The following FREM2 variants were observed in gnomAD, a reference collection of about 807,000 sequenced individuals.
FREM2 encodes the protein FRAS1 related extracellular matrix 2, also known as FRAS1-related extracellular matrix protein 2.
In FREM2, 119 loss-of-function variants were observed where a neutral mutation model predicts 219.9. The ratio of observed to expected loss-of-function variants is 0.54; its 90% CI spans 0.47 to 0.63. The LOEUF is 0.63. Ranked by LOEUF, FREM2 falls within the 30% of genes least tolerant of loss-of-function variation. FREM2 has a pLI of 0.00. For synonymous variants in FREM2, 1,562 were observed against 1,522.8 expected, an observed-to-expected ratio of 1.03 and a Z score of -0.60; for missense variants, 4,030 against 3,993.6, an observed-to-expected ratio of 1.01 and a Z score of -0.25.
intron 2 of FREM2, among the ~76,000 whole-genome samples, chr13:38,719,827 C>T (rs1044241984): frequency 6.6e-6 from 1 of 152,132 alleles, no homozygotes; most frequent in South Asian, 2.1e-4. Context: ...GGTTTGTCTA[C>T]CTGTTGGTGA....
chr13:38,849,054 C>T (rs892515552), intron 8 of FREM2, among the ~76,000 whole-genome samples: 3 of 152,056 alleles, frequency 2.0e-5, no homozygotes, highest in Admixed American at 6.6e-5. Flanking sequence ...CCCTAAAGAC[C>T]TCATTGTAAT....
intron 2 of FREM2, among the ~76,000 whole-genome samples, chr13:38,730,997 T>C (rs1401206975): frequency 1.3e-5 from 2 of 152,108 alleles, no homozygotes; most frequent in African/African-American, 2.4e-5. Flanking sequence ...CTTATGGGTA[T>C]TATCTAAACT....
chr13:38,826,673 C>G lies in FREM2; in HGVS notation c.6020-19900C>G, dbSNP rs11841495. 1.2e-3 allele frequency among the ~76,000 whole-genome samples: 182 copies of G among 152,194 alleles called. 1 individual carries two copies. Among genetic ancestry groups the G allele is most frequent in the African/African-American group, 4.1e-3 (170 of 41,556 alleles). On this transcript the variant is annotated intron_variant, in intron 6 of 23. Coordinates refer to ENST00000280481, the MANE Select transcript of FREM2 (RefSeq NM_207361.6). Reference sequence around the variant, plus strand: ...GACCTCACACAGATTGTGTTTGACACCATATTAATCGTCATCTTTCTTCAT... The same window carrying G: ...GACCTCACACAGATTGTGTTTGACAGCATATTAATCGTCATCTTTCTTCAT...
chr13:38,827,417 A>T (rs1033889082), intron 6 of FREM2: 1 of 152,090 alleles, frequency 6.6e-6, no homozygotes, highest in African/African-American at 2.4e-5. Flanking sequence ...ATACCTGATG[A>T]GATTTACATC....
At chr13:38,735,073 T>C (rs960089054) in intron 2 of FREM2, among the ~76,000 whole-genome samples, 1 of 152,160 alleles carries the variant, frequency 6.6e-6, no homozygotes, top group Non-Finnish European at 1.5e-5. Flanking sequence ...GAAATCTCTT[T>C]AATGTTTGGC....
intron 2 of FREM2, among the ~76,000 whole-genome samples, chr13:38,754,956 G>A (rs1317242773): frequency 6.7e-6 from 1 of 150,182 alleles, no homozygotes; most frequent in African/African-American, 2.4e-5. Flanking sequence ...AGGCTGGAGT[G>A]CAGTGGTACG....
rs4054263 is a variant in FREM2 at position 38,754,904 on chromosome 13, T to G, written c.5264-9400T>G. On this transcript the variant is annotated intron_variant, in intron 2 of 23. Transcript: ENST00000280481. ...TGATGATGATGATGATGATGATGAT[T>G]ATTATTATTATTATTAGAGATGGAG... Among the ~76,000 whole-genome samples, 38 of 132,306 alleles carry G rather than the reference T, an allele frequency of 2.9e-4. 1 individual carries two copies. Among genetic ancestry groups the G allele is most frequent in the African/African-American group, 1.1e-3 (36 of 33,550 alleles). The allele number at this position is 132,306 out of a possible 152,430, so 86.8% of individuals were successfully genotyped here.
At chr13:38,729,940 G>A (rs2138118880) in intron 2 of FREM2, among the ~76,000 whole-genome samples, 1 of 152,278 alleles carries the variant, frequency 6.6e-6, no homozygotes, top group Non-Finnish European at 1.5e-5. Flanking sequence ...AGAAACAATA[G>A]TCAGAATAAA....
intron 6 of FREM2, among the ~76,000 whole-genome samples, chr13:38,842,349 A>T (rs1876993158): frequency 1.3e-5 from 2 of 152,168 alleles, no homozygotes; most frequent in African/African-American, 2.4e-5. Context: ...GTTGCTGGGA[A>T]AACTCAAATG....
At chr13:38,809,022 G>A (rs1477512083) in intron 6 of FREM2, among the ~76,000 whole-genome samples, 3 of 151,742 alleles carry the variant, frequency 2.0e-5, no homozygotes, top group African/African-American at 4.8e-5. Context: ...TTCTTCTGAC[G>A]GAAATACCTG....
At chr13:38,828,864 G>A (rs768880594) in intron 6 of FREM2, among the ~76,000 whole-genome samples, 6 of 152,044 alleles carry the variant, frequency 3.9e-5, no homozygotes, top group Non-Finnish European at 7.4e-5. Context: ...CCCTATGGAT[G>A]GGCATTTAGA....
rs1325382133 is a variant in FREM2, at chr13:38,883,236, A to G, written c.*2449A>G. On this transcript the variant is annotated 3_prime_UTR_variant, in exon 24 of 24. Coordinates refer to ENST00000280481, the MANE Select transcript of FREM2 (RefSeq NM_207361.6). ...TTTTGCATTATTTTTCTTAATATCT[A>G]TTTACTAAGTATGTAATTTAATATA... 1 of 152,078 alleles carries G rather than the reference A, an allele frequency of 6.6e-6. No individual in the cohort carries two copies. Among genetic ancestry groups the G allele is most frequent in the Non-Finnish European group, 1.5e-5 (1 of 67,990 alleles). The allele number at this position is 152,078 out of a possible 1,614,324, so 9.4% of individuals were successfully genotyped here.
rs915735771 is a variant in FREM2 at position 38,688,306 on chromosome 13, G to A, written c.962G>A (p.Ser321Asn). The change falls in exon 1 of 24, where the codon AGT becomes AAT. Residue 321 changes from serine to asparagine, a missense_variant. This residue lies in a region of FREM2 where 3,102 missense variants were observed against 2,950.7 expected (regional missense o/e 1.05). Transcript: ENST00000280481. ...GCCGAGAACACTGCACCCAAGCCCAGTTTCGTGGCCATGATGATGATGGAG... is the reference window on the plus strand; with the variant it reads ...GCCGAGAACACTGCACCCAAGCCCAATTTCGTGGCCATGATGATGATGGAG... Reference protein sequence around the residue: ...GGAENTAPKPSFVAMMMMEVD... With the variant: ...GGAENTAPKPNFVAMMMMEVD... 6.2e-7 allele frequency: 1 copy of A among 1,614,210 alleles called. No homozygotes were observed.
intron 2 of FREM2, among the ~76,000 whole-genome samples, chr13:38,701,895 C>T (rs543197995): frequency 4.5e-4 from 69 of 152,024 alleles, no homozygotes; most frequent in Non-Finnish European, 9.0e-4. Context: ...GGAAGAAACT[C>T]CTTCATATCA....
chr13:38,689,464 G>A lies in FREM2; in HGVS notation c.2120G>A (p.Cys707Tyr), dbSNP rs746326383. The A allele has an allele frequency of 4.3e-6, 7 of 1,614,038 alleles. No individual in the cohort carries two copies. Among genetic ancestry groups the A allele is most frequent in the South Asian group, 3.3e-5 (3 of 91,078 alleles). Reference protein sequence around the residue: ...DRLPPELGSGCPLRMVVQESQ... With the variant: ...DRLPPELGSGYPLRMVVQESQ... ...CTCCCTCCGGAGCTGGGCAGTGGCT[G>A]TCCCCTTCGTATGGTGGTACAGGAA... The change falls in exon 1 of 24, where the codon TGT (cysteine) becomes TAT (tyrosine). Residue 707 changes from cysteine to tyrosine, a missense_variant. Transcript: ENST00000280481.
rs144377176 is a variant in FREM2 at position 38,742,535 on chromosome 13, C to T, written c.5264-21769C>T. Among the ~76,000 whole-genome samples the T allele has an allele frequency of 2.2e-4, 33 of 152,248 alleles. No homozygotes were observed. The East Asian group carries it at 2.5e-3, about 12-fold the overall frequency. The stretch of plus-strand genomic sequence containing the variant: ...TTCCCAATGATGATTTCAAATATGA[C>T]GGTCTCTGATACTCTTAGCCTTTTA... On this transcript the variant is annotated intron_variant, in intron 2 of 23. Transcript: ENST00000280481.
In FREM2 at chr13:38,874,591, G is replaced by A; in HGVS notation, c.8281+5G>A. 1 of 1,611,494 alleles carries A rather than the reference G, an allele frequency of 6.2e-7. No homozygotes were observed. Among genetic ancestry groups the A allele is most frequent in the Non-Finnish European group, 8.5e-7 (1 of 1,177,624 alleles). ...TATTTGTGCTGTCACATCCCGGTAA[G>A]CCCCGTTATCTTTTAACAACCACTC... is the stretch of plus-strand genomic sequence containing the variant. On this transcript the variant is annotated splice_donor_5th_base_variant and intron_variant, in intron 18 of 23. Transcript: ENST00000280481.
intron 2 of FREM2, among the ~76,000 whole-genome samples, chr13:38,758,573 G>A (rs1873108080): frequency 6.6e-6 from 1 of 152,184 alleles, no homozygotes; most frequent in Non-Finnish European, 1.5e-5. Flanking sequence ...TAAGAGCCAA[G>A]TCGGCTTCAG....
intron 5 of FREM2, 87 bp downstream of exon 5, chr13:38,783,282 T>A: frequency 7.4e-7 from 1 of 1,343,652 alleles, no homozygotes; most frequent in Non-Finnish European, 1.1e-6. Context: ...CATTTTACCA[T>A]GAGGGGTATA....
Sources: allele counts gnomAD v4.1 joint callset (sites outside exome capture counted in the v4.1 genomes callset), GRCh38; gene constraint gnomAD v4.1.1; regional missense constraint gnomAD v4.1.1; transcripts MANE v1.5; gene names NCBI Gene and HGNC (gene_info 2026-07-23, HGNC 2026-07-21).